TRPC3: variants seen among roughly 807,000 people sequenced by gnomAD.
TRPC3 encodes the protein short transient receptor potential channel 3.
A neutral mutation model predicts 90.9 loss-of-function variants in TRPC3; 54 were observed. The observed-to-expected ratio is 0.59, with a 90% CI of 0.48 to 0.75. TRPC3 has a LOEUF of 0.75. TRPC3 is among the 30% of genes least tolerant of loss of function. The pLI, the probability that TRPC3 is intolerant of heterozygous loss-of-function variation, is 0.00. For synonymous variants in TRPC3, 424 were observed against 450.9 expected (o/e 0.94, Z 0.75); for missense variants, 918 against 1,194.5 (o/e 0.77, Z 3.41).
rs537450332 is a variant in TRPC3 at position 121,917,288 on chromosome 4, A to T, written c.1177-2344T>A. Among the ~76,000 whole-genome samples the T allele has an allele frequency of 3.9e-5, 6 of 152,170 alleles. No individual in the cohort carries two copies. The South Asian group carries it at 1.2e-3, about 32-fold the overall frequency. ...TTGAACTCACGAATATCAAAGTTGA[A>T]GGCTTCCTGGGTATATGTGACAACT... On this transcript the variant is annotated intron_variant, in intron 3 of 11. Transcript: ENST00000379645.
At position 121,874,791 on chromosome 4, in the gene TRPC3, T is replaced by C. The variant is rs181687983; in HGVS notation, c.*4945A>G. Among the ~76,000 whole-genome samples the C allele has an allele frequency of 1.0e-3, 159 of 152,246 alleles. No individual in the cohort carries two copies. The highest frequency in any genetic ancestry group is 2.7e-3 in the African/African-American group (112 of 41,542). ...TAACATGAGTTTTGAGGGGACACAA[T>C]TCAGCCCATAACAGAAGGAAACTGA... On this transcript the variant is annotated 3_prime_UTR_variant, in exon 12 of 12. Transcript: ENST00000379645.
chr4:121,910,244 T>C lies in TRPC3; in HGVS notation c.1702A>G (p.Thr568Ala). The change falls in exon 6 of 12, where the codon ACG becomes GCG. Residue 568 changes from threonine to alanine, a missense_variant. By Grantham distance (58) the Thr-to-Ala change is moderately conservative. This residue lies in a region of TRPC3 where 147 missense variants were observed against 263.5 expected (regional missense o/e 0.56). Transcript: ENST00000379645. ...CTGTCCACATACTGTTGTGCCTTCG[T>C]TGCCTGAAGGAAAGCTAGGAATCTG... ...TARFLAFLQATKAQQYVDSYV... is the reference protein window; with the variant it reads ...TARFLAFLQAAKAQQYVDSYV... 3 of 1,613,846 alleles carry C rather than the reference T, an allele frequency of 1.9e-6. No homozygotes were observed. Among genetic ancestry groups the C allele is most frequent in the Non-Finnish European group, 2.5e-6 (3 of 1,179,810 alleles).
At chr4:121,939,082 T>C (rs1346459150) in intron 1 of TRPC3, among the ~76,000 whole-genome samples, 2 of 152,180 alleles carry the variant, frequency 1.3e-5, no homozygotes, top group Non-Finnish European at 1.5e-5. Flanking sequence ...GTTGAAAATA[T>C]ATTAAGGTGC....
intron 4 of TRPC3, 96 bp from the exon 5 acceptor site, chr4:121,912,189 A>G: frequency 4.8e-6 from 5 of 1,040,194 alleles, no homozygotes; most frequent in Non-Finnish European, 5.4e-6. Flanking sequence ...ATGAAAGGAG[A>G]ACACTCAAAA....
In TRPC3 at chr4:121,893,641, C is replaced by T. The variant is rs139921265; in HGVS notation, c.2547+5971G>A. ...ACCTGACGCCATAAACAATTTGTAA[C>T]GTTGACTATACAAAAATAAAAAAAG... On this transcript the variant is annotated intron_variant, in intron 10 of 11. Transcript: ENST00000379645. Among the ~76,000 whole-genome samples, 38 of 151,946 alleles carry T rather than the reference C, an allele frequency of 2.5e-4. No individual in the cohort carries two copies. The East Asian group carries it at 6.6e-3, about 26-fold the overall frequency.
chr4:121,918,028 G>T lies in TRPC3; in HGVS notation c.1177-3084C>A, dbSNP rs192032679. 2.4e-4 allele frequency among the ~76,000 whole-genome samples: 37 copies of T among 152,342 alleles called. No homozygotes were observed. In the East Asian group the frequency reaches 6.6e-3, roughly 27 times the overall value. ...CCTCCAACATTCAGGTGCTGTCAAT[G>T]TGGTAGAGTTAACAGGTGGGGCCTT... On this transcript the variant is annotated intron_variant, in intron 3 of 11. Coordinates refer to ENST00000379645, the MANE Select transcript of TRPC3 (RefSeq NM_001130698.2).
intron 1 of TRPC3, chr4:121,933,529 T>C (rs527996811): frequency 6.6e-6 from 1 of 152,602 alleles, no homozygotes; most frequent in South Asian, 2.1e-4. Flanking sequence ...TCATTGACCC[T>C]CAGCCCCCTA....
intron 2 of TRPC3, among the ~76,000 whole-genome samples, chr4:121,931,428 CCAATCAAAACG>C (rs1729919765): frequency 6.6e-6 from 1 of 151,862 alleles, no homozygotes; most frequent in Admixed American, 6.6e-5. Flanking sequence ...GTAGCTAGAA[CCAATCAAAACG>C]CATAGGAGGA....
chr4:121,933,199 T>G, intron 1 of TRPC3, 157 bp from the exon 2 acceptor site: 1 of 1,332,240 alleles, frequency 7.5e-7, no homozygotes, highest in Admixed American at 3.5e-5. Context: ...ACTACTCGCC[T>G]GAAAGTGACA....
intron 1 of TRPC3, among the ~76,000 whole-genome samples, chr4:121,942,748 C>T (rs189907353): frequency 4.8e-4 from 73 of 152,266 alleles, no homozygotes; most frequent in African/African-American, 1.7e-3. Flanking sequence ...TAGCTCTTTG[C>T]CAGATTCCTC....
chr4:121,892,024 T>G (rs1424779678), intron 10 of TRPC3, among the ~76,000 whole-genome samples: 2 of 152,144 alleles, frequency 1.3e-5, no homozygotes, highest in Non-Finnish European at 2.9e-5. Flanking sequence ...CCTAAAGGGA[T>G]TAAGAAAATT....
intron 9 of TRPC3, among the ~76,000 whole-genome samples, chr4:121,901,810 CTTT>C (rs1337032241): frequency 6.6e-6 from 1 of 152,156 alleles, no homozygotes; most frequent in Non-Finnish European, 1.5e-5. Context: ...AAGCTCTCTT[CTTT>C]GTCTTATACT....
rs76134991 is a variant in TRPC3, at chr4:121,895,781, C to T, written c.2547+3831G>A. Reference sequence around the variant, plus strand: ...CTGAACCTTTAAAGAAGAATTAATACTAATTATTCTCAAACTAATCGAAAA... The same window carrying T: ...CTGAACCTTTAAAGAAGAATTAATATTAATTATTCTCAAACTAATCGAAAA... On this transcript the variant is annotated intron_variant, in intron 10 of 11. Transcript: ENST00000379645. Among the ~76,000 whole-genome samples the T allele has an allele frequency of 0.011, 1,694 of 152,204 alleles. 111 individuals are homozygous for T. The East Asian group carries it at 0.21, about 19-fold the overall frequency.
rs979118833 is a variant in TRPC3, at chr4:121,876,599, G to A, written c.*3137C>T. On this transcript the variant is annotated 3_prime_UTR_variant, in exon 12 of 12. Transcript: ENST00000379645. The stretch of plus-strand genomic sequence containing the variant: ...AAATATAAATATATTGACATATTGG[G>A]TAAGATAGTTATCCTAAATTGTACC... Among the ~76,000 whole-genome samples, 2 of 152,160 alleles carry A rather than the reference G, an allele frequency of 1.3e-5. No homozygotes were observed. Among genetic ancestry groups the A allele is most frequent in the African/African-American group, 4.8e-5 (2 of 41,432 alleles).
Position 121,951,975 on chromosome 4 carries a change from C to T in TRPC3, c.-295G>A, listed in dbSNP as rs1578668852. On this transcript the variant is annotated 5_prime_UTR_variant, in exon 1 of 12. Transcript: ENST00000379645. The surrounding 1 kb of genome is among the most constrained non-coding windows in gnomAD (Gnocchi z 4.4). ...CGGGGCTCTGGTGCTGGGAGAGGCT[C>T]TCCAGCCCCGCGGCGGCGGCGATGC... Among the ~76,000 whole-genome samples the T allele has an allele frequency of 6.6e-6, 1 of 152,052 alleles. No homozygotes were observed. Among genetic ancestry groups the T allele is most frequent in the Admixed American group, 6.5e-5 (1 of 15,282 alleles).
intron 10 of TRPC3, 30 bp downstream of exon 10, chr4:121,899,582 G>A: frequency 6.4e-7 from 1 of 1,571,486 alleles, no homozygotes; most frequent in Admixed American, 1.7e-5. Context: ...ATCACATAGA[G>A]ATCAAGAGAT....
At chr4:121,929,286 AT>A (rs544266547) in intron 2 of TRPC3, among the ~76,000 whole-genome samples, 5 of 151,816 alleles carry the variant, frequency 3.3e-5, no homozygotes, top group South Asian at 2.1e-4. Context: ...GATTATATTC[AT>A]TTTTTTTCTT....
At chr4:121,895,551 T>G (rs1346542204) in intron 10 of TRPC3, among the ~76,000 whole-genome samples, 1 of 152,042 alleles carries the variant, frequency 6.6e-6, no homozygotes, top group Non-Finnish European at 1.5e-5. Context: ...TAGAGACTAC[T>G]ATGAATAACC....
intron 10 of TRPC3, 27 bp downstream of exon 10, chr4:121,899,585 C>T (rs773409704): frequency 1.4e-5 from 22 of 1,586,086 alleles, no homozygotes; most frequent in Non-Finnish European, 1.8e-5. Context: ...ACATAGAGAT[C>T]AAGAGATACG....
Sources: gnomAD v4.1 joint callset for allele counts (sites outside exome capture counted in the v4.1 genomes callset) on GRCh38, gnomAD v4.1.1 for gene constraint, gnomAD v4.1.1 regional missense constraint, Gnocchi (gnomAD v3.1) non-coding constraint, MANE v1.5 for transcripts, NCBI Gene and HGNC (gene_info 2026-07-23, HGNC 2026-07-21) for gene names.